B3GALT1: variants seen among roughly 807,000 people sequenced by gnomAD.
B3GALT1 encodes beta-1,3-galactosyltransferase 1.
A neutral mutation model predicts 23.2 loss-of-function variants in B3GALT1; 10 were observed. The observed-to-expected ratio is 0.43, with a 90% CI of 0.27 to 0.73. The LOEUF is 0.73. Ranked by LOEUF, B3GALT1 falls within the 30% of genes least tolerant of loss-of-function variation. The pLI is 0.21. For missense variants in B3GALT1, 299 were observed against 405.4 expected (o/e 0.74, Z 2.25); for synonymous variants, 156 against 141.5 (o/e 1.10, Z -0.73).
chr2:167,425,509 G>C (rs1440515567), intron 1 of B3GALT1, among the ~76,000 whole-genome samples: 2 of 152,114 alleles, frequency 1.3e-5, no homozygotes, highest in Non-Finnish European at 2.9e-5. Context: ...ATATAGTTGA[G>C]AAAAAAATTA....
intron 2 of B3GALT1, among the ~76,000 whole-genome samples, chr2:167,555,186 G>A (rs1683821704): frequency 6.6e-6 from 1 of 152,178 alleles, no homozygotes; most frequent in African/African-American, 2.4e-5. Flanking sequence ...GGAAACAATA[G>A]AAGATAGAGA....
At chr2:167,730,642 C>T (rs192199894) in intron 3 of B3GALT1, among the ~76,000 whole-genome samples, 12 of 152,260 alleles carry the variant, frequency 7.9e-5, no homozygotes, top group Admixed American at 2.6e-4. Context: ...TCAGAGCTGG[C>T]GCCCTTCTTT....
At chr2:167,604,959 T>G (rs1216247514) in intron 2 of B3GALT1, among the ~76,000 whole-genome samples, 1 of 152,248 alleles carries the variant, frequency 6.6e-6, no homozygotes, top group Non-Finnish European at 1.5e-5. Context: ...TATAGTCATT[T>G]AAGAACTCAC....
At chr2:167,584,724 A>G (rs886266013) in intron 2 of B3GALT1, among the ~76,000 whole-genome samples, 10 of 152,308 alleles carry the variant, frequency 6.6e-5, no homozygotes, top group Admixed American at 1.3e-4. Context: ...AGTGACTCAC[A>G]GAACTCAGGA....
At chr2:167,552,089 A>C (rs1683757914) in intron 2 of B3GALT1, among the ~76,000 whole-genome samples, 1 of 152,184 alleles carries the variant, frequency 6.6e-6, no homozygotes, top group Non-Finnish European at 1.5e-5. Flanking sequence ...CAGCTGCATC[A>C]GTTTTGCTTG....
chr2:167,692,356 T>TG (rs1185657325), intron 3 of B3GALT1, among the ~76,000 whole-genome samples: 1 of 152,172 alleles, frequency 6.6e-6, no homozygotes, highest in African/African-American at 2.4e-5. Context: ...TAATTTGGTC[T>TG]ATGAGCCTTT....
At position 167,870,098 on chromosome 2, in the gene B3GALT1, G is replaced by T. The variant is rs575982254; in HGVS notation, c.*78G>T. The T allele has an allele frequency of 2.8e-6, 4 of 1,415,100 alleles. No homozygotes were observed. The highest frequency in any genetic ancestry group is 2.9e-5 in the African/African-American group (2 of 69,580). 87.7% of individuals were successfully genotyped at this position (1,415,100 alleles called of 1,614,324 possible). A position where few individuals can be genotyped will look rare whatever the true frequency, so the allele number is the denominator to read the frequency against. ...AAGGTGTTGGTATTTTCCAGGTGTC[G>T]GGGGAAATGAACTGGTGAAGGGGTT... is the stretch of plus-strand genomic sequence containing the variant. On this transcript the variant is annotated 3_prime_UTR_variant, in exon 5 of 5. Transcript: ENST00000392690.
intron 1 of B3GALT1, among the ~76,000 whole-genome samples, chr2:167,454,216 C>CTGTGTGTGTGTGT (rs1699133389): frequency 6.8e-6 from 1 of 146,694 alleles, no homozygotes; most frequent in African/African-American, 2.7e-5. Context: ...TGTGTGCGCA[C>CTGTGTGTGTGTGT]GCGCGCGTGC....
At chr2:167,556,606 C>G (rs1334151461) in intron 2 of B3GALT1, among the ~76,000 whole-genome samples, 1 of 152,144 alleles carries the variant, frequency 6.6e-6, no homozygotes, top group East Asian at 1.9e-4. Context: ...TCAAGAACCT[C>G]ACTACTTTAT....
At chr2:167,325,702 C>CTTTTTTTTTTTTTTTTTTTTT (rs61066636) in intron 1 of B3GALT1, among the ~76,000 whole-genome samples, 4 of 110,566 alleles carry the variant, frequency 3.6e-5, no homozygotes, top group African/African-American at 6.6e-5. Flanking sequence ...ACCCTGTTTT[C>CTTTTTTTTTTTTTTTTTTTTT]TTTTTTTTTT....
chr2:167,464,150 TC>T (rs1467427205), intron 1 of B3GALT1, among the ~76,000 whole-genome samples: 2 of 151,964 alleles, frequency 1.3e-5, no homozygotes, highest in Non-Finnish European at 2.9e-5. Flanking sequence ...AAACCAAGAA[TC>T]CTGTGCAATT....
intron 2 of B3GALT1, among the ~76,000 whole-genome samples, chr2:167,582,296 T>G (rs1234922138): frequency 6.6e-6 from 1 of 152,232 alleles, no homozygotes; most frequent in African/African-American, 2.4e-5. Flanking sequence ...CGGAGTGTTG[T>G]TGTCTGCCTT....
intron 4 of B3GALT1, among the ~76,000 whole-genome samples, chr2:167,835,805 A>G (rs998845923): frequency 3.9e-5 from 6 of 152,142 alleles, no homozygotes; most frequent in African/African-American, 1.4e-4. Context: ...CACCTCACAC[A>G]GCCGGGTACT....
chr2:167,403,804 A>C (rs1368050257), intron 1 of B3GALT1, among the ~76,000 whole-genome samples: 1 of 152,176 alleles, frequency 6.6e-6, no homozygotes, highest in Non-Finnish European at 1.5e-5. Flanking sequence ...TATCATGGAA[A>C]GGGAAGGGAA....
chr2:167,342,575 G>A lies in B3GALT1; in HGVS notation c.-511+49241G>A, dbSNP rs1469155030. Among the ~76,000 whole-genome samples the A allele has an allele frequency of 2.7e-5, 4 of 148,360 alleles. No individual in the cohort carries two copies. In the Admixed American group the frequency reaches 2.7e-4, roughly 10 times the overall value. ...ACTGCACTCCAGCCTGGGTGACAGA[G>A]AGAGACTTCATCTCAAAAAAAAAAA... On this transcript the variant is annotated intron_variant, in intron 1 of 4. Transcript: ENST00000392690.
chr2:167,564,782 A>G (rs1435039926), intron 2 of B3GALT1, among the ~76,000 whole-genome samples: 2 of 152,238 alleles, frequency 1.3e-5, no homozygotes, highest in Non-Finnish European at 2.9e-5. Context: ...TAAAATACCT[A>G]GGAATCCCAC....
intron 3 of B3GALT1, among the ~76,000 whole-genome samples, chr2:167,674,557 C>G (rs1686389818): frequency 6.6e-6 from 1 of 152,186 alleles, no homozygotes; most frequent in Admixed American, 6.5e-5. Flanking sequence ...TATGACTTAA[C>G]TAAATAGTCC....
At chr2:167,867,029 C>T (rs1301698523) in intron 4 of B3GALT1, among the ~76,000 whole-genome samples, 2 of 152,040 alleles carry the variant, frequency 1.3e-5, no homozygotes, top group African/African-American at 2.4e-5. Context: ...TGGATTCAGG[C>T]CATTCTCCTG....
chr2:167,379,927 T>A (rs951414098), intron 1 of B3GALT1, among the ~76,000 whole-genome samples: 11 of 152,206 alleles, frequency 7.2e-5, no homozygotes, highest in African/African-American at 2.2e-4. Context: ...TGCCTGTGCA[T>A]GTAGAGGAGA....
Sources: allele counts gnomAD v4.1 joint callset (sites outside exome capture counted in the v4.1 genomes callset), GRCh38; gene constraint gnomAD v4.1.1; transcripts MANE v1.5; gene names NCBI Gene and HGNC (gene_info 2026-07-23, HGNC 2026-07-21).